Variants in FAM13A observed in about 807,000 individuals in gnomAD.
The protein encoded by FAM13A is family with sequence similarity 13 member A.
A neutral mutation model predicts 129.6 loss-of-function variants in FAM13A; 76 were observed. That is an observed-to-expected ratio of 0.59 (90% CI 0.49 to 0.71). FAM13A has a LOEUF of 0.71. FAM13A is among the 30% of genes least tolerant of loss of function. FAM13A has a pLI of 0.00. For missense variants in FAM13A, 1,108 were observed against 1,249.3 expected (o/e 0.89, Z 1.70); for synonymous variants, 443 against 449.9 (o/e 0.98, Z 0.20).
At chr4:88,830,574 A>G (rs981611027) in intron 7 of FAM13A, among the ~76,000 whole-genome samples, 14 of 152,220 alleles carry the variant, frequency 9.2e-5, no homozygotes, top group African/African-American at 3.4e-4. Context: ...TCCCATAGAG[A>G]TAGAAATTAT....
At chr4:88,809,645 T>C (rs566549409) in intron 7 of FAM13A, among the ~76,000 whole-genome samples, 27 of 119,252 alleles carry the variant, frequency 2.3e-4, no homozygotes, top group African/African-American at 7.5e-4. Context: ...GGAGGAATTT[T>C]CTTAGAGAAT....
intron 6 of FAM13A, among the ~76,000 whole-genome samples, chr4:88,884,107 T>C (rs1744037038): frequency 6.6e-6 from 1 of 152,178 alleles, no homozygotes; most frequent in South Asian, 2.1e-4. Flanking sequence ...CCAATCCTAT[T>C]GACACTATTC....
At chr4:88,740,729 C>T (rs1384254671) in intron 19 of FAM13A, among the ~76,000 whole-genome samples, 1 of 152,118 alleles carries the variant, frequency 6.6e-6, no homozygotes, top group African/African-American at 2.4e-5. Context: ...TTGTATTTGT[C>T]TTTCTCAAAG....
chr4:88,908,615 T>A (rs1057006816), intron 5 of FAM13A, among the ~76,000 whole-genome samples: 1 of 152,236 alleles, frequency 6.6e-6, no homozygotes, highest in Non-Finnish European at 1.5e-5. Context: ...TCTGAAAGCA[T>A]TTTTTCTAAA....
At chr4:88,979,915 G>A (rs1044984545) in intron 4 of FAM13A, among the ~76,000 whole-genome samples, 1 of 152,290 alleles carries the variant, frequency 6.6e-6, no homozygotes, top group Admixed American at 6.5e-5. Context: ...AAGTTGCAGT[G>A]AGTGGAAATC....
intron 7 of FAM13A, among the ~76,000 whole-genome samples, chr4:88,824,450 CTG>C (rs1477825213): frequency 2.0e-5 from 3 of 152,132 alleles, no homozygotes; most frequent in African/African-American, 4.8e-5. Flanking sequence ...ACTAAATAAT[CTG>C]TGTTTATGAA....
intron 6 of FAM13A, among the ~76,000 whole-genome samples, chr4:88,870,779 G>C (rs1280819057): frequency 1.3e-5 from 2 of 152,220 alleles, no homozygotes; most frequent in Non-Finnish European, 2.9e-5. Context: ...GATTCTTCCA[G>C]CACGGTGTTT....
At chr4:88,937,710 G>A in intron 5 of FAM13A, 1 of 227,600 alleles carries the variant, frequency 4.4e-6, no homozygotes. Context: ...CAGTAATATT[G>A]TCTTCAGGAA....
intron 11 of FAM13A, among the ~76,000 whole-genome samples, chr4:88,773,089 T>C (rs576927848): frequency 6.6e-6 from 1 of 152,162 alleles, no homozygotes; most frequent in Non-Finnish European, 1.5e-5. Flanking sequence ...TCAAAGTGAT[T>C]TATGATCACA....
chr4:88,986,987 T>G (rs1158269355), intron 4 of FAM13A, among the ~76,000 whole-genome samples: 1 of 152,208 alleles, frequency 6.6e-6, no homozygotes, highest in African/African-American at 2.4e-5. Flanking sequence ...AATGTAATTC[T>G]TCTATAGAAG....
intron 4 of FAM13A, among the ~76,000 whole-genome samples, chr4:88,959,140 T>C (rs1290454724): frequency 6.6e-6 from 1 of 152,240 alleles, no homozygotes; most frequent in Admixed American, 6.5e-5. Context: ...ACATGCCTTG[T>C]CTCAGATGAG....
At chr4:88,988,774 T>A (rs1762575363) in intron 4 of FAM13A, among the ~76,000 whole-genome samples, 1 of 151,970 alleles carries the variant, frequency 6.6e-6, no homozygotes. Flanking sequence ...TTGAGAAGAA[T>A]AATAAATAGA....
intron 6 of FAM13A, among the ~76,000 whole-genome samples, chr4:88,906,062 C>A (rs1390675976): frequency 1.3e-5 from 2 of 152,078 alleles, no homozygotes; most frequent in Admixed American, 6.5e-5. Context: ...CCAAGGCAGG[C>A]AGATCACCTG....
chr4:88,843,710 T>A (rs1736201822), intron 7 of FAM13A, among the ~76,000 whole-genome samples: 1 of 152,214 alleles, frequency 6.6e-6, no homozygotes, highest in Non-Finnish European at 1.5e-5. Context: ...TAAGACAATA[T>A]TAAATTATAA....
At chr4:88,881,945 A>T (rs1003164554) in intron 6 of FAM13A, among the ~76,000 whole-genome samples, 9 of 152,008 alleles carry the variant, frequency 5.9e-5, no homozygotes, top group East Asian at 3.9e-4. Context: ...AAAAGAATTT[A>T]AAAAAAATGA....
At chr4:88,736,436 A>T (rs1373305406) in intron 21 of FAM13A, 2 of 152,192 alleles carry the variant, frequency 1.3e-5, no homozygotes, top group Non-Finnish European at 2.9e-5. Context: ...TGAAATAATC[A>T]TTCCTAACTA....
chr4:88,811,385 C>G (rs148087077), intron 7 of FAM13A, among the ~76,000 whole-genome samples: 1 of 152,086 alleles, frequency 6.6e-6, no homozygotes, highest in East Asian at 1.9e-4. Flanking sequence ...CTTATTTGTA[C>G]GACTGTGGCA....
At chr4:88,863,855 C>T (rs1739934214) in intron 6 of FAM13A, among the ~76,000 whole-genome samples, 1 of 151,904 alleles carries the variant, frequency 6.6e-6, no homozygotes, top group Admixed American at 6.6e-5. Context: ...TAAATAAAGG[C>T]CTGGATAGAG....
At chr4:89,017,171 T>C (rs1766612919) in intron 3 of FAM13A, among the ~76,000 whole-genome samples, 1 of 152,238 alleles carries the variant, frequency 6.6e-6, no homozygotes, top group African/African-American at 2.4e-5. Context: ...AGAAAGTATT[T>C]ATGTCATTGA....
Sources: gnomAD v4.1 joint callset for allele counts (sites outside exome capture counted in the v4.1 genomes callset) on GRCh38, gnomAD v4.1.1 for gene constraint, MANE v1.5 for transcripts, NCBI Gene and HGNC (gene_info 2026-07-23, HGNC 2026-07-21) for gene names.